LEF1: variants seen among roughly 807,000 people sequenced by gnomAD.
The protein encoded by LEF1 is lymphoid enhancer binding factor 1.
LEF1 carries 14 observed loss-of-function variants against 51.2 expected under a neutral mutation model. The observed-to-expected ratio is 0.27, with a 90% CI of 0.18 to 0.43. LEF1 has a LOEUF of 0.43. Ranked by LOEUF, LEF1 falls within the 20% of genes least tolerant of loss-of-function variation. LEF1 has a pLI of 1.00. For synonymous variants in LEF1, 185 were observed against 183.2 expected (o/e 1.01, Z -0.08); for missense variants, 386 against 512.0 (o/e 0.75, Z 2.37).
intron 3 of LEF1, among the ~76,000 whole-genome samples, chr4:108,106,036 C>T (rs985356692): frequency 3.9e-5 from 6 of 152,170 alleles, no homozygotes; most frequent in African/African-American, 1.2e-4. Context: ...GAATCCAGTG[C>T]CCCACCTGGG....
intron 3 of LEF1, among the ~76,000 whole-genome samples, chr4:108,108,906 G>T (rs770479406): frequency 2.6e-4 from 40 of 152,112 alleles, no homozygotes; most frequent in Admixed American, 7.9e-4. Context: ...GTTGACTTAT[G>T]TGTGTATTTC....
chr4:108,054,101 G>A (rs1253003927), intron 11 of LEF1, among the ~76,000 whole-genome samples: 1 of 152,170 alleles, frequency 6.6e-6, no homozygotes, highest in Non-Finnish European at 1.5e-5. Context: ...GTGATAACTT[G>A]TATGGGTTAG....
intron 4 of LEF1, among the ~76,000 whole-genome samples, chr4:108,088,356 C>A (rs577311448): frequency 4.6e-5 from 7 of 152,274 alleles, no homozygotes; most frequent in African/African-American, 1.7e-4. Flanking sequence ...TTCAAAGACC[C>A]TGTTGAAGTC....
intron 3 of LEF1, among the ~76,000 whole-genome samples, chr4:108,108,349 C>G (rs969581864): frequency 6.6e-6 from 1 of 152,068 alleles, no homozygotes; most frequent in African/African-American, 2.4e-5. Context: ...TGTCATAGCA[C>G]CTCTTTCTTA....
At position 108,048,843 on chromosome 4, in the gene LEF1, C is replaced by T. The variant is rs942349443; in HGVS notation, c.*7-92G>A. 4.5e-5 allele frequency: 35 copies of T among 781,068 alleles called. 1 individual carries two copies. In the Middle Eastern group the frequency reaches 1.2e-3, roughly 28 times the overall value. 48.4% of individuals were successfully genotyped at this position (781,068 alleles called of 1,614,324 possible). On this transcript the variant is annotated intron_variant, in intron 11 of 11. Coordinates refer to ENST00000265165, the MANE Select transcript of LEF1 (RefSeq NM_016269.5). ...ATTCCATACCATATATGTCTTACAA[C>T]CTCTGCATTTAATTAATCCATTTTG...
At position 108,167,911 on chromosome 4, in the gene LEF1, A is replaced by C; in HGVS notation, c.-144T>G. 1.9e-6 allele frequency: 1 copy of C among 527,988 alleles called. No homozygotes were observed. The highest frequency in any genetic ancestry group is 2.9e-6 in the Non-Finnish European group (1 of 344,858). 32.7% of individuals were successfully genotyped at this position (527,988 alleles called of 1,614,324 possible). On this transcript the variant is annotated 5_prime_UTR_variant, in exon 1 of 12. Transcript: ENST00000265165. The surrounding 1 kb of genome is among the most constrained non-coding windows in gnomAD (Gnocchi z 5.7). ...ACAGCGGGCGGAAGCGGGGCGGGCG[A>C]GCGCGGGGCCGCCGGCCGGCAGCCG...
intron 5 of LEF1, 59 bp downstream of exon 5, chr4:108,083,297 T>C (rs977365367): frequency 7.0e-6 from 8 of 1,147,112 alleles, no homozygotes; most frequent in South Asian, 2.5e-5. Context: ...TTTCCATGAA[T>C]GGAAAGTGGA....
At position 108,143,344 on chromosome 4, in the gene LEF1, A is replaced by G. The variant is rs539549222; in HGVS notation, c.414+20224T>C. Among the ~76,000 whole-genome samples the G allele has an allele frequency of 2.0e-5, 3 of 152,354 alleles. No homozygotes were observed. The East Asian group carries it at 5.8e-4, about 29-fold the overall frequency. ...TCAGCAAGAAAACCTGAATAATAAC[A>G]TCTCAAAATCTGTATATTTTTCTCT... On this transcript the variant is annotated intron_variant, in intron 3 of 11. Coordinates refer to ENST00000265165, the MANE Select transcript of LEF1 (RefSeq NM_016269.5).
chr4:108,148,598 A>G (rs899032417), intron 3 of LEF1, among the ~76,000 whole-genome samples: 1 of 152,194 alleles, frequency 6.6e-6, no homozygotes, highest in Non-Finnish European at 1.5e-5. Context: ...GTAAGCTTCT[A>G]GAGGGTGGTG....
intron 8 of LEF1, among the ~76,000 whole-genome samples, chr4:108,073,076 G>A (rs1195879973): frequency 6.6e-6 from 1 of 152,184 alleles, no homozygotes; most frequent in East Asian, 1.9e-4. Flanking sequence ...GCTAATCCTT[G>A]ATTTTGTAAA....
intron 3 of LEF1, among the ~76,000 whole-genome samples, chr4:108,112,898 T>C (rs1741617273): frequency 6.6e-6 from 1 of 152,168 alleles, no homozygotes; most frequent in African/African-American, 2.4e-5. Context: ...TAAAATATTA[T>C]CTGTCTCTAA....
chr4:108,141,756 G>T (rs547982331), intron 3 of LEF1, among the ~76,000 whole-genome samples: 2 of 152,256 alleles, frequency 1.3e-5, no homozygotes, highest in African/African-American at 4.8e-5. Flanking sequence ...ATTACATTCT[G>T]CCAGCATTCT....
intron 3 of LEF1, among the ~76,000 whole-genome samples, chr4:108,131,710 T>A (rs1742910198): frequency 6.6e-6 from 1 of 152,212 alleles, no homozygotes; most frequent in Non-Finnish European, 1.5e-5. Context: ...AACATAACTT[T>A]TTTTTAGTTT....
chr4:108,077,496 G>A (rs13142948), intron 8 of LEF1, among the ~76,000 whole-genome samples: 16 of 54,888 alleles, frequency 2.9e-4, no homozygotes, highest in Middle Eastern at 0.021. Context: ...CTGCCGCCCC[G>A]TCTGGGAAGT....
intron 6 of LEF1, 57 bp downstream of exon 6, chr4:108,081,529 T>C (rs1036473277): frequency 7.2e-7 from 1 of 1,390,378 alleles, no homozygotes; most frequent in South Asian, 1.2e-5. Context: ...GCGCACAGGA[T>C]GCAAGCACGA....
chr4:108,069,055 G>A (rs2126272891), intron 9 of LEF1, among the ~76,000 whole-genome samples: 1 of 152,224 alleles, frequency 6.6e-6, no homozygotes, highest in South Asian at 2.1e-4. Flanking sequence ...GGTGATCATA[G>A]CCTAAGCAAG....
At chr4:108,065,004 A>G (rs1737973677) in intron 9 of LEF1, among the ~76,000 whole-genome samples, 2 of 152,196 alleles carry the variant, frequency 1.3e-5, no homozygotes, top group African/African-American at 2.4e-5. Context: ...AGAACCTGAG[A>G]AAACTGAAGA....
chr4:108,054,871 T>C (rs1451274938), intron 11 of LEF1, among the ~76,000 whole-genome samples: 2 of 152,234 alleles, frequency 1.3e-5, no homozygotes, highest in African/African-American at 2.4e-5. Flanking sequence ...TAATTTTTAA[T>C]GCTTTTAATT....
At chr4:108,080,482 C>T (rs1471126203) in intron 6 of LEF1, among the ~76,000 whole-genome samples, 1 of 152,138 alleles carries the variant, frequency 6.6e-6, no homozygotes, top group East Asian at 1.9e-4. Flanking sequence ...TTGAAAGGAA[C>T]TCTGCTAGGA....
Sources: gnomAD v4.1 joint callset for allele counts (sites outside exome capture counted in the v4.1 genomes callset) on GRCh38, gnomAD v4.1.1 for gene constraint, Gnocchi (gnomAD v3.1) non-coding constraint, MANE v1.5 for transcripts, NCBI Gene and HGNC (gene_info 2026-07-23, HGNC 2026-07-21) for gene names.